Variants in LNX1 observed in about 807,000 individuals in gnomAD.
LNX1 encodes the protein E3 ubiquitin-protein ligase LNX.
Under a neutral mutation model 68.4 loss-of-function variants are expected in LNX1, and 54 were observed. That is an observed-to-expected ratio of 0.79 (90% confidence interval 0.63 to 0.99). The LOEUF is 0.99. Among genes scored for constraint, LNX1 ranks in the 50% least tolerant of loss-of-function variants. The probability of loss-of-function intolerance (pLI) is 0.00; values close to 1 mark genes in which losing one functional copy is unlikely to be tolerated. For missense variants in LNX1, 906 were observed against 926.4 expected, an observed-to-expected ratio of 0.98 and a Z score of 0.29; for synonymous variants, 336 against 350.0, an observed-to-expected ratio of 0.96 and a Z score of 0.45.
At chr4:53,488,745 C>T (rs1462467223) in intron 6 of LNX1, among the ~76,000 whole-genome samples, 1 of 152,010 alleles carries the variant, frequency 6.6e-6, no homozygotes, top group Non-Finnish European at 1.5e-5. Flanking sequence ...GCAGAGCAGC[C>T]CACCCCTGAG....
intron 9 of LNX1, among the ~76,000 whole-genome samples, chr4:53,462,420 G>A (rs1030890770): frequency 6.6e-6 from 1 of 152,044 alleles, no homozygotes; most frequent in Non-Finnish European, 1.5e-5. Flanking sequence ...CCAGGATGAC[G>A]TTGTTGACCA....
At chr4:53,461,075 T>C (rs1266692729) in intron 10 of LNX1, 33 bp from the exon 11 acceptor site, 1 of 1,524,188 alleles carries the variant, frequency 6.6e-7, no homozygotes, top group Non-Finnish European at 8.8e-7. Flanking sequence ...ATATGATTAG[T>C]ATTTTAATTC....
At chr4:53,478,333 G>A (rs1344714025) in intron 8 of LNX1, among the ~76,000 whole-genome samples, 1 of 151,944 alleles carries the variant, frequency 6.6e-6, no homozygotes. Flanking sequence ...ATTAATTCCT[G>A]GAACAGTTTG....
chr4:53,613,979 T>C (rs1305059174), intron 2 of LNX1, among the ~76,000 whole-genome samples: 3 of 124,644 alleles, frequency 2.4e-5, no homozygotes, highest in Non-Finnish European at 3.6e-5. Flanking sequence ...TCTGTTATTT[T>C]TTGACGGCCC....
chr4:53,509,193 A>G (rs1397409551), intron 2 of LNX1, among the ~76,000 whole-genome samples: 1 of 152,188 alleles, frequency 6.6e-6, no homozygotes, highest in Non-Finnish European at 1.5e-5. Context: ...GCTACAGGTA[A>G]CCACTCCAGT....
chr4:53,517,206 A>G (rs1206474596), intron 2 of LNX1, among the ~76,000 whole-genome samples: 1 of 152,102 alleles, frequency 6.6e-6, no homozygotes, highest in African/African-American at 2.4e-5. Context: ...GAGTCTGTTT[A>G]TGCTTTTGAT....
chr4:53,471,464 T>C (rs764514850), intron 9 of LNX1, among the ~76,000 whole-genome samples: 2 of 152,084 alleles, frequency 1.3e-5, no homozygotes, highest in Non-Finnish European at 2.9e-5. Context: ...TCAAAAGCAA[T>C]GGCAACAAAA....
chr4:53,517,854 C>T (rs1726901299), intron 2 of LNX1, among the ~76,000 whole-genome samples: 1 of 152,170 alleles, frequency 6.6e-6, no homozygotes, highest in African/African-American at 2.4e-5. Context: ...AGGTCATCAG[C>T]TGGGCAAGTC....
upstream of LNX1, chr4:53,593,109 A>G (rs1732589424): frequency 6.6e-6 from 1 of 152,216 alleles, no homozygotes; most frequent in Non-Finnish European, 1.5e-5. Flanking sequence ...TAAAAGAAAA[A>G]AAGGGAGGTA....
At chr4:53,547,725 G>A (rs1729206227) in intron 2 of LNX1, among the ~76,000 whole-genome samples, 1 of 152,182 alleles carries the variant, frequency 6.6e-6, no homozygotes, top group Non-Finnish European at 1.5e-5. Flanking sequence ...CATGGGAGAA[G>A]TGGGCTTAGA....
At chr4:53,586,165 G>T (rs1732158043) in intron 1 of LNX1, among the ~76,000 whole-genome samples, 1 of 152,020 alleles carries the variant, frequency 6.6e-6, no homozygotes, top group Admixed American at 6.6e-5. Flanking sequence ...AGATAGAATG[G>T]CTGAGTGTGT....
intron 2 of LNX1, among the ~76,000 whole-genome samples, chr4:53,566,205 C>T (rs1284632501): frequency 1.3e-5 from 2 of 151,708 alleles, no homozygotes; most frequent in African/African-American, 2.4e-5. Context: ...GTCAGATTCA[C>T]CAAAGTTGAA....
intron 6 of LNX1, among the ~76,000 whole-genome samples, chr4:53,486,584 G>A (rs1253495301): frequency 1.3e-5 from 2 of 152,170 alleles, no homozygotes; most frequent in African/African-American, 2.4e-5. Context: ...TGCAGGGACA[G>A]TCAGATGGGA....
chr4:53,464,504 GATT>G lies in LNX1; in HGVS notation c.1893-2914_1893-2912del, dbSNP rs529337048. 1.5e-3 allele frequency among the ~76,000 whole-genome samples: 28 copies of G among 18,932 alleles called. 1 individual carries two copies. The East Asian group carries it at 0.03, about 21-fold the overall frequency. 12.4% of individuals were successfully genotyped at this position (18,932 alleles called of 152,430 possible). On this transcript the variant is annotated intron_variant, in intron 9 of 10. Coordinates refer to ENST00000263925, the MANE Select transcript of LNX1 (RefSeq NM_001126328.3). ...CAACATGAAAAAGATGTTTATGGGA[GATT>G]AATATGGACAATCAGTGTTATAAAC... is the stretch of plus-strand genomic sequence containing the variant.
chr4:53,647,420 G>C (rs1734926290), intron 1 of LNX1, among the ~76,000 whole-genome samples: 1 of 152,066 alleles, frequency 6.6e-6, no homozygotes, highest in African/African-American at 2.4e-5. Context: ...AATTGCTAGA[G>C]TTGTCAGTTC....
At chr4:53,566,681 C>G (rs535181097) in intron 2 of LNX1, among the ~76,000 whole-genome samples, 3 of 151,938 alleles carry the variant, frequency 2.0e-5, no homozygotes, top group African/African-American at 7.3e-5. Flanking sequence ...ACTAAATGCT[C>G]CAACTAAAAG....
At chr4:53,573,369 C>T (rs1395335795) in intron 2 of LNX1, among the ~76,000 whole-genome samples, 1 of 152,144 alleles carries the variant, frequency 6.6e-6, no homozygotes, top group Non-Finnish European at 1.5e-5. Context: ...ACTGTATACT[C>T]ATAGTGGTTA....
At chr4:53,570,215 G>A (rs1216211554) in intron 2 of LNX1, among the ~76,000 whole-genome samples, 17 of 145,200 alleles carry the variant, frequency 1.2e-4, no homozygotes, top group Admixed American at 1.4e-4. Context: ...ACATGCACAC[G>A]TATGTTTATT....
intron 2 of LNX1, among the ~76,000 whole-genome samples, chr4:53,531,837 C>T (rs900120807): frequency 3.9e-5 from 6 of 152,172 alleles, no homozygotes; most frequent in Non-Finnish European, 8.8e-5. Flanking sequence ...CTTCCAGGCT[C>T]GGGTGTTGTT....
Sources: allele counts gnomAD v4.1 joint callset (sites outside exome capture counted in the v4.1 genomes callset), GRCh38; gene constraint gnomAD v4.1.1; transcripts MANE v1.5; gene names NCBI Gene and HGNC (gene_info 2026-07-23, HGNC 2026-07-21).